Variants in CALD1 observed in about 807,000 individuals in gnomAD.
CALD1 encodes the protein caldesmon 1.
A neutral mutation model predicts 99.9 loss-of-function variants in CALD1; 33 were observed. The ratio of observed to expected loss-of-function variants is 0.33; its 90% CI spans 0.25 to 0.44. The LOEUF is 0.44. Among genes scored for constraint, CALD1 ranks in the 20% least tolerant of loss-of-function variants. The pLI, the probability that CALD1 is intolerant of heterozygous loss-of-function variation, is 1.00. For synonymous variants in CALD1, 310 were observed against 325.0 expected, an observed-to-expected ratio of 0.95 and a Z score of 0.50; for missense variants, 861 against 962.1, an observed-to-expected ratio of 0.89 and a Z score of 1.39.
At chr7:134,828,976 T>C (rs9656443) in intron 1 of CALD1, among the ~76,000 whole-genome samples, 33,240 of 152,150 alleles carry the variant, frequency 0.22, 6,575 homozygotes, top group African/African-American at 0.53. Context: ...AGATGATAAA[T>C]CTATAAAGCT....
rs547718626 is a variant in CALD1 at position 134,884,269 on chromosome 7, TCA to T, written c.71+16468_71+16469del. 3.4e-3 allele frequency among the ~76,000 whole-genome samples: 513 copies of T among 152,320 alleles called. 1 individual carries two copies. The highest frequency in any genetic ancestry group is 6.8e-3 in the Middle Eastern group (2 of 294). The stretch of plus-strand genomic sequence containing the variant: ...TGACATGAGATTTATGGCTTGAATC[TCA>T]CAGAGTTGTGACATGAAAAGTATTC... On this transcript the variant is annotated intron_variant, in intron 3 of 14. Transcript: ENST00000361675.
At chr7:134,923,279 T>C in intron 3 of CALD1, among the ~76,000 whole-genome samples, 1 of 152,248 alleles carries the variant, frequency 6.6e-6, no homozygotes, top group East Asian at 1.9e-4. Flanking sequence ...GGGAAGTTCA[T>C]GGATTCTGGT....
the CALD1 span, among the ~76,000 whole-genome samples, chr7:134,711,660 C>CTCTCTCTCTCTATATA: frequency 3.8e-5 from 3 of 78,332 alleles, no homozygotes; most frequent in African/African-American, 1.9e-4. Context: ...CTCTCTCTCT[C>CTCTCTCTCTCTATATA]TATATATATA....
At chr7:134,822,893 A>G (rs1412702447) in intron 1 of CALD1, among the ~76,000 whole-genome samples, 3 of 152,164 alleles carry the variant, frequency 2.0e-5, no homozygotes, top group Non-Finnish European at 4.4e-5. Flanking sequence ...AGCAGAAACT[A>G]TGCTTTAATT....
At chr7:134,786,689 C>A (rs766762940) in intron 1 of CALD1, among the ~76,000 whole-genome samples, 4 of 152,108 alleles carry the variant, frequency 2.6e-5, no homozygotes, top group Non-Finnish European at 5.9e-5. Context: ...GTGACTTGAC[C>A]AAAGTCATCC....
chr7:134,858,954 C>T (rs1299138962), intron 2 of CALD1, among the ~76,000 whole-genome samples: 1 of 152,140 alleles, frequency 6.6e-6, no homozygotes, highest in African/African-American at 2.4e-5. Context: ...ATATGGGGGC[C>T]ACTAAACACA....
chr7:134,796,646 T>C (rs548751673), intron 1 of CALD1, among the ~76,000 whole-genome samples: 15 of 151,806 alleles, frequency 9.9e-5, no homozygotes, highest in Non-Finnish European at 2.2e-4. Context: ...AGTGCAGTGG[T>C]GCAATCATAG....
intron 3 of CALD1, chr7:134,891,661 C>G: frequency 1.2e-6 from 2 of 1,606,712 alleles, no homozygotes; most frequent in Non-Finnish European, 1.7e-6. Context: ...CGCAGCCTGG[C>G]CGCGCTCTCC....
At chr7:134,715,042 C>T in the CALD1 span, among the ~76,000 whole-genome samples, 1 of 152,298 alleles carries the variant, frequency 6.6e-6, no homozygotes, top group African/African-American at 2.4e-5. Context: ...AGCTTCTTTC[C>T]TTCAATGAGT....
chr7:134,891,709 T>C (rs779338929), intron 3 of CALD1: 7 of 1,336,690 alleles, frequency 5.2e-6, no homozygotes, highest in Middle Eastern at 2.6e-4. Flanking sequence ...TTTTTTCCTT[T>C]CTTTTTTTTT....
intron 3 of CALD1, among the ~76,000 whole-genome samples, chr7:134,893,929 T>C (rs948526272): frequency 6.6e-6 from 1 of 152,172 alleles, no homozygotes; most frequent in Non-Finnish European, 1.5e-5. Flanking sequence ...AGTGAATCTG[T>C]GTTTTGTACA....
intron 1 of CALD1, among the ~76,000 whole-genome samples, chr7:134,746,195 T>C (rs759233171): frequency 4.6e-5 from 7 of 152,174 alleles, no homozygotes; most frequent in Admixed American, 2.0e-4. Context: ...TAGAAGATGA[T>C]GCCTTTGGGA....
chr7:134,965,710 C>T (rs1166367240), intron 14 of CALD1, among the ~76,000 whole-genome samples: 4 of 152,070 alleles, frequency 2.6e-5, no homozygotes, highest in Non-Finnish European at 5.9e-5. Context: ...AGCTTAGTGC[C>T]ACAGTCATTT....
intron 4 of CALD1, among the ~76,000 whole-genome samples, chr7:134,931,096 T>A (rs908269482): frequency 1.3e-5 from 2 of 152,184 alleles, no homozygotes; most frequent in African/African-American, 4.8e-5. Flanking sequence ...TCAAATTCTT[T>A]TTTTTTTTAG....
intron 1 of CALD1, among the ~76,000 whole-genome samples, chr7:134,805,917 C>T (rs1798119692): frequency 6.6e-6 from 1 of 152,122 alleles, no homozygotes; most frequent in African/African-American, 2.4e-5. Flanking sequence ...CGTGCCACCA[C>T]ACCCGGCCAA....
At chr7:134,789,488 C>T (rs1218252427) in intron 1 of CALD1, among the ~76,000 whole-genome samples, 2 of 152,214 alleles carry the variant, frequency 1.3e-5, no homozygotes, top group East Asian at 3.8e-4. Context: ...AAATTTACCA[C>T]TTTTTTCACT....
rs147784277 is a variant in CALD1 at position 134,749,680 on chromosome 7, G to A, written c.-130+5317G>A. Among the ~76,000 whole-genome samples the A allele has an allele frequency of 3.4e-3, 525 of 152,276 alleles. 3 individuals carry two copies. Among genetic ancestry groups the A allele is most frequent in the Non-Finnish European group, 5.4e-3 (369 of 68,024 alleles). On this transcript the variant is annotated intron_variant, in intron 1 of 13. Transcript: ENST00000417172. ...CCTCAGGGGATGCCTGTTGTGTAAG[G>A]TCAAGATGCACCTGGAGCCAGGGAC... is the stretch of plus-strand genomic sequence containing the variant.
intron 1 of CALD1, among the ~76,000 whole-genome samples, chr7:134,818,478 A>G (rs1231712914): frequency 6.6e-6 from 1 of 152,050 alleles, no homozygotes; most frequent in Admixed American, 6.5e-5. Context: ...TCTGTTTTTG[A>G]AGGGTTCAGT....
At chr7:134,852,624 A>G (rs923732479) in intron 2 of CALD1, among the ~76,000 whole-genome samples, 9 of 152,080 alleles carry the variant, frequency 5.9e-5, no homozygotes, top group African/African-American at 1.9e-4. Flanking sequence ...ACAGTAGTAA[A>G]CCCTGGGCTG....
Sources: gnomAD v4.1 joint callset for allele counts (sites outside exome capture counted in the v4.1 genomes callset) on GRCh38, gnomAD v4.1.1 for gene constraint, MANE v1.5 for transcripts, NCBI Gene and HGNC (gene_info 2026-07-23, HGNC 2026-07-21) for gene names.